Variants in RHBDL3 observed in about 807,000 individuals in gnomAD.
The protein encoded by RHBDL3 is rhomboid-related protein 3.
A neutral mutation model predicts 48.2 loss-of-function variants in RHBDL3; 28 were observed. The observed-to-expected ratio is 0.58, with a 90% CI of 0.43 to 0.80. The LOEUF (loss-of-function observed/expected upper bound fraction) is 0.80, where lower values mean the gene tolerates loss of function less well. RHBDL3 is among the 30% of genes least tolerant of loss of function. The probability of loss-of-function intolerance (pLI) is 0.00; values close to 1 mark genes in which losing one functional copy is unlikely to be tolerated. For missense variants in RHBDL3, 464 were observed against 542.7 expected (o/e 0.85, Z 1.44); for synonymous variants, 208 against 232.3 (o/e 0.90, Z 0.95).
intron 1 of RHBDL3, among the ~76,000 whole-genome samples, chr17:32,267,435 G>GT (rs1446785083): frequency 1.2e-4 from 17 of 143,406 alleles, no homozygotes; most frequent in African/African-American, 4.5e-4. Flanking sequence ...TCTCCTGGGG[G>GT]GGGAGGGGGG....
intron 3 of RHBDL3, 72 bp downstream of exon 3, chr17:32,284,889 T>G: frequency 7.4e-7 from 1 of 1,344,000 alleles, no homozygotes; most frequent in Admixed American, 1.9e-5. Flanking sequence ...ATTTAAAGGA[T>G]TTAGGCAATT....
chr17:32,292,205 C>T (rs1191663528), intron 4 of RHBDL3, among the ~76,000 whole-genome samples: 1 of 152,106 alleles, frequency 6.6e-6, no homozygotes, highest in African/African-American at 2.4e-5. Flanking sequence ...AAGTATGCTT[C>T]AGTCACGTTT....
chr17:32,308,222 C>T lies in RHBDL3; in HGVS notation c.882+2781C>T, dbSNP rs138980375. Among the ~76,000 whole-genome samples, 78 of 152,296 alleles carry T rather than the reference C, an allele frequency of 5.1e-4. No individual in the cohort carries two copies. The Middle Eastern group carries it at 0.01, about 20-fold the overall frequency. On this transcript the variant is annotated intron_variant, in intron 7 of 8. Transcript: ENST00000269051. ...GAGCCCCGTGCCTTCCAGAAGCAAA[C>T]GGCTTTCCTTGGCCAACTGGGAGCT... is the stretch of plus-strand genomic sequence containing the variant.
chr17:32,307,904 G>A (rs543673874), intron 7 of RHBDL3, among the ~76,000 whole-genome samples: 6 of 151,386 alleles, frequency 4.0e-5, no homozygotes, highest in South Asian at 2.1e-4. Flanking sequence ...CTCCCATTCC[G>A]CCCAAGACTT....
Position 32,284,731 on chromosome 17 carries a change from C to G in RHBDL3, c.208C>G (p.Leu70Val). 1 of 1,614,082 alleles carries G rather than the reference C, an allele frequency of 6.2e-7. No individual in the cohort carries two copies. Among genetic ancestry groups the G allele is most frequent in the Non-Finnish European group, 8.5e-7 (1 of 1,179,940 alleles). ...TCTTCTGGAGAGCCACAGCTCCAAGCTGGACCCGCACAAAAGGGAGGTCCT... is the reference window on the plus strand; with the variant it reads ...TCTTCTGGAGAGCCACAGCTCCAAGGTGGACCCGCACAAAAGGGAGGTCCT... ...RSLLESHSSK[L>V]DPHKREVLLA... The change falls in exon 3 of 9, where the codon CTG becomes GTG. Residue 70 changes from leucine to valine, a missense_variant. Coordinates refer to ENST00000269051, the MANE Select transcript of RHBDL3 (RefSeq NM_138328.3).
intron 3 of RHBDL3, among the ~76,000 whole-genome samples, chr17:32,286,162 G>T (rs1186339784): frequency 6.6e-6 from 1 of 152,198 alleles, no homozygotes; most frequent in Non-Finnish European, 1.5e-5. Flanking sequence ...GTTTGAGCCT[G>T]CCCAGGCTCA....
At chr17:32,282,127 C>T (rs966732377) in intron 2 of RHBDL3, among the ~76,000 whole-genome samples, 5 of 152,186 alleles carry the variant, frequency 3.3e-5, no homozygotes, top group African/African-American at 1.2e-4. Flanking sequence ...AAACACTCAG[C>T]AAATATTAGG....
chr17:32,300,459 C>A (rs145976634), intron 6 of RHBDL3, among the ~76,000 whole-genome samples: 4 of 152,196 alleles, frequency 2.6e-5, no homozygotes, highest in African/African-American at 9.6e-5. Context: ...GAGGCTGATG[C>A]AGGAGGATCG....
At chr17:32,318,330 A>G (rs1050322827) in intron 8 of RHBDL3, among the ~76,000 whole-genome samples, 3 of 144,286 alleles carry the variant, frequency 2.1e-5, no homozygotes, top group Non-Finnish European at 4.5e-5. Flanking sequence ...TGCCTTAAAA[A>G]AAAAAAAAAG....
chr17:32,289,286 AC>A (rs140583735), intron 4 of RHBDL3, among the ~76,000 whole-genome samples: 1 of 151,554 alleles, frequency 6.6e-6, no homozygotes, highest in Admixed American at 6.6e-5. Context: ...TAGGACCACT[AC>A]CCCCCACCCA....
At chr17:32,282,789 A>T (rs1305275168) in intron 2 of RHBDL3, among the ~76,000 whole-genome samples, 2 of 151,918 alleles carry the variant, frequency 1.3e-5, no homozygotes, top group Admixed American at 6.6e-5. Flanking sequence ...CGCCCGGCTA[A>T]TTTTTTGTAT....
intron 1 of RHBDL3, 174 bp from the exon 2 acceptor site, chr17:32,267,728 C>G: frequency 7.7e-7 from 1 of 1,305,342 alleles, no homozygotes; most frequent in South Asian, 1.4e-5. Flanking sequence ...TTGGGGAGCT[C>G]CTCCCAGACT....
intron 7 of RHBDL3, among the ~76,000 whole-genome samples, chr17:32,306,178 C>T (rs1054738458): frequency 2.6e-5 from 4 of 152,110 alleles, no homozygotes; most frequent in Non-Finnish European, 5.9e-5. Context: ...AATCCCAGCA[C>T]TTTGGGAGGC....
At chr17:32,290,361 A>G (rs947692761) in intron 4 of RHBDL3, among the ~76,000 whole-genome samples, 3 of 152,188 alleles carry the variant, frequency 2.0e-5, no homozygotes, top group Non-Finnish European at 4.4e-5. Context: ...AGGGCCAGAG[A>G]ATTCAGTTTG....
chr17:32,283,426 A>G (rs1022576103), intron 2 of RHBDL3, among the ~76,000 whole-genome samples: 7 of 142,696 alleles, frequency 4.9e-5, no homozygotes, highest in Admixed American at 1.5e-4. Context: ...GGTTCACGCC[A>G]TACTCTCCTG....
chr17:32,305,299 A>T (rs776470971), intron 6 of RHBDL3, 42 bp from the exon 7 acceptor site: 1 of 1,404,932 alleles, frequency 7.1e-7, no homozygotes, highest in Non-Finnish European at 1.0e-6. Context: ...GGGTGAGCCG[A>T]GTCCCGCACT....
At chr17:32,316,421 A>C in intron 8 of RHBDL3, 129 bp downstream of exon 8, 1 of 652,728 alleles carries the variant, frequency 1.5e-6, no homozygotes, top group South Asian at 2.0e-5. Context: ...AATGGTTAGC[A>C]AAAAAGTAGG....
At chr17:32,296,177 G>A (rs191101269) in intron 5 of RHBDL3, among the ~76,000 whole-genome samples, 1 of 144,228 alleles carries the variant, frequency 6.9e-6, no homozygotes, top group African/African-American at 2.5e-5. Context: ...GCAGTGAGCC[G>A]AGATCACACC....
rs2150767767 is a variant in RHBDL3, at chr17:32,323,556, C to T, written c.*2327C>T. ...AGAGTGCCACCTCTGTCTGGTATGA[C>T]CTGGAGAGGGGGCTTCCTCTCTTAG... On this transcript the variant is annotated 3_prime_UTR_variant, in exon 9 of 9. Coordinates refer to ENST00000269051, the MANE Select transcript of RHBDL3 (RefSeq NM_138328.3). The T allele has an allele frequency of 6.6e-6, 1 of 152,286 alleles. No individual in the cohort carries two copies. The highest frequency in any genetic ancestry group is 1.9e-4 in the East Asian group (1 of 5,178). The allele number at this position is 152,286 out of a possible 1,614,324, so 9.4% of individuals were successfully genotyped here.
Sources: allele counts gnomAD v4.1 joint callset (sites outside exome capture counted in the v4.1 genomes callset), GRCh38; gene constraint gnomAD v4.1.1; transcripts MANE v1.5; gene names NCBI Gene and HGNC (gene_info 2026-07-23, HGNC 2026-07-21).